Variants in OSTN observed in about 807,000 individuals in gnomAD.
OSTN encodes osteocrin.
OSTN carries 9 observed loss-of-function variants against 12.0 expected under a neutral mutation model. The ratio of observed to expected loss-of-function variants is 0.75; its 90% CI spans 0.45 to 1.30. The LOEUF is 1.30. OSTN is among the 50% of genes most tolerant of loss of function. The pLI, the probability that OSTN is intolerant of heterozygous loss-of-function variation, is 0.00. For synonymous variants in OSTN, 59 were observed against 56.9 expected, an observed-to-expected ratio of 1.04 and a Z score of -0.16; for missense variants, 148 against 152.3, an observed-to-expected ratio of 0.97 and a Z score of 0.15.
At chr3:191,219,037 C>A in intron 3 of OSTN, 76 bp downstream of exon 3, 2 of 1,309,126 alleles carry the variant, frequency 1.5e-6, no homozygotes, top group Admixed American at 2.2e-5. Context: ...GAGAATTCCA[C>A]ATGAAAAATA....
chr3:191,225,881 A>G (rs1378856955), intron 3 of OSTN, among the ~76,000 whole-genome samples: 1 of 152,164 alleles, frequency 6.6e-6, no homozygotes, highest in African/African-American at 2.4e-5. Flanking sequence ...TATGTTCACT[A>G]TATAGGTGAT....
At chr3:191,253,272 A>T (rs1715600224) in intron 4 of OSTN, among the ~76,000 whole-genome samples, 1 of 152,188 alleles carries the variant, frequency 6.6e-6, no homozygotes, top group African/African-American at 2.4e-5. Flanking sequence ...TCACTTTAAC[A>T]CTTCCTATTA....
intron 1 of OSTN, among the ~76,000 whole-genome samples, chr3:191,206,661 C>T (rs928686871): frequency 6.6e-6 from 1 of 152,188 alleles, no homozygotes; most frequent in Non-Finnish European, 1.5e-5. Context: ...AGACCATCTC[C>T]ATTTTAGTTG....
chr3:191,234,902 T>C (rs1349402209), intron 3 of OSTN, among the ~76,000 whole-genome samples: 1 of 152,090 alleles, frequency 6.6e-6, no homozygotes, highest in Non-Finnish European at 1.5e-5. Flanking sequence ...AACATTTATA[T>C]GTTCCAAAAA....
chr3:191,257,943 A>G (rs1367392942), intron 4 of OSTN, among the ~76,000 whole-genome samples: 1 of 152,238 alleles, frequency 6.6e-6, no homozygotes, highest in Admixed American at 6.5e-5. Context: ...CACAAGGTAT[A>G]GCATACACAT....
intron 3 of OSTN, chr3:191,234,697 A>G (rs1270846510): frequency 9.5e-5 from 5 of 52,580 alleles, no homozygotes; most frequent in African/African-American, 3.3e-4. Flanking sequence ...ACACCATCTG[A>G]AAAAAAAAAA....
chr3:191,239,296 T>A (rs1217702028), intron 3 of OSTN, among the ~76,000 whole-genome samples: 5 of 115,662 alleles, frequency 4.3e-5, no homozygotes, highest in African/African-American at 1.8e-4. Flanking sequence ...TTCCATTGGT[T>A]ACTTGGTGTA....
intron 2 of OSTN, among the ~76,000 whole-genome samples, chr3:191,216,063 T>C (rs371476525): frequency 1.8e-4 from 27 of 152,310 alleles, no homozygotes; most frequent in Non-Finnish European, 3.5e-4. Flanking sequence ...TTTCCATACA[T>C]CCTCTGAAAT....
At chr3:191,237,203 C>T (rs532357283) in intron 3 of OSTN, among the ~76,000 whole-genome samples, 3 of 152,196 alleles carry the variant, frequency 2.0e-5, no homozygotes, top group Admixed American at 1.3e-4. Flanking sequence ...TTGCCTCAAG[C>T]GACTTTCTAC....
At chr3:191,260,481 A>T (rs566801956) in intron 4 of OSTN, among the ~76,000 whole-genome samples, 97 of 152,140 alleles carry the variant, frequency 6.4e-4, no homozygotes, top group East Asian at 1.2e-3. Context: ...GGTGCCAGTC[A>T]CAGTTGTGAG....
intron 1 of OSTN, among the ~76,000 whole-genome samples, chr3:191,209,243 G>A (rs993260859): frequency 2.6e-5 from 4 of 152,146 alleles, no homozygotes; most frequent in Non-Finnish European, 5.9e-5. Flanking sequence ...CCTCCTTTAT[G>A]TAAAGTCAAA....
intron 3 of OSTN, 123 bp downstream of exon 3, chr3:191,219,084 T>C (rs2108533160): frequency 3.5e-6 from 3 of 859,592 alleles, no homozygotes; most frequent in Non-Finnish European, 5.3e-6. Context: ...GATTTGACGG[T>C]ATGTTAGCTA....
chr3:191,210,059 A>G (rs1714379130), intron 1 of OSTN, among the ~76,000 whole-genome samples: 1 of 152,248 alleles, frequency 6.6e-6, no homozygotes, highest in African/African-American at 2.4e-5. Flanking sequence ...CAGGCCGTAC[A>G]GGAAGCACGG....
chr3:191,214,443 A>AC lies in OSTN; in HGVS notation c.102+1809_102+1810insC, dbSNP rs1329150358. Among the ~76,000 whole-genome samples the AC allele has an allele frequency of 2.7e-5, 4 of 149,428 alleles. No individual in the cohort carries two copies. In the East Asian group the frequency reaches 8.0e-4, roughly 30 times the overall value. ...CAGAGTGAGACTCCATCTCAAAAAAAAAAAAAAAAAAAAAAAAAACAGCAA... is the reference window on the plus strand; with the variant it reads ...CAGAGTGAGACTCCATCTCAAAAAAACAAAAAAAAAAAAAAAAAAACAGCAA... On this transcript the variant is annotated intron_variant, in intron 2 of 4. Transcript: ENST00000682035.
At chr3:191,252,589 T>A (rs1476384971) in intron 4 of OSTN, among the ~76,000 whole-genome samples, 1 of 152,204 alleles carries the variant, frequency 6.6e-6, no homozygotes, top group Non-Finnish European at 1.5e-5. Context: ...AGAAAAGAAT[T>A]TATCATATAT....
rs1715106817 is a variant in OSTN, at chr3:191,233,249, G to T, written c.317+14288G>T. Among the ~76,000 whole-genome samples the T allele has an allele frequency of 2.0e-5, 3 of 152,060 alleles. No homozygotes were observed. In the South Asian group the frequency reaches 6.2e-4, roughly 31 times the overall value. ...ATTAACTTGAAATAAAGAACCACCT[G>T]TTGTTTCCTATTTTGTATTGCTTAA... On this transcript the variant is annotated intron_variant, in intron 3 of 4. Transcript: ENST00000682035.
intron 2 of OSTN, 138 bp downstream of exon 2, chr3:191,212,772 TATATTTTATATAGAA>T (rs1208080315): frequency 6.2e-5 from 11 of 176,184 alleles, no homozygotes; most frequent in Non-Finnish European, 1.2e-4. Context: ...TATCATATCA[TATATTTTATATAGAA>T]TATATATTTT....
At chr3:191,254,052 A>G (rs2108554189) in intron 4 of OSTN, among the ~76,000 whole-genome samples, 1 of 152,346 alleles carries the variant, frequency 6.6e-6, no homozygotes, top group Admixed American at 6.5e-5. Context: ...TATTATCTCA[A>G]GTCTTGTTTA....
At chr3:191,242,055 A>T (rs1399452041) in intron 3 of OSTN, among the ~76,000 whole-genome samples, 1 of 152,228 alleles carries the variant, frequency 6.6e-6, no homozygotes, top group Non-Finnish European at 1.5e-5. Context: ...AATACAATAT[A>T]AGCTTAATTT....
Sources: gnomAD v4.1 joint callset for allele counts (sites outside exome capture counted in the v4.1 genomes callset) on GRCh38, gnomAD v4.1.1 for gene constraint, MANE v1.5 for transcripts, NCBI Gene and HGNC (gene_info 2026-07-23, HGNC 2026-07-21) for gene names.